Variants in HEMK2 observed in about 807,000 individuals in gnomAD.
The protein encoded by HEMK2 is methyltransferase HEMK2.
the HEMK2 span, among the ~76,000 whole-genome samples, chr21:28,712,800 A>G: frequency 6.6e-6 from 1 of 152,210 alleles, no homozygotes; most frequent in African/African-American, 2.4e-5. Context: ...AGCATATGAA[A>G]TTGGTTTTTT....
At chr21:28,615,488 G>A in the HEMK2 span, among the ~76,000 whole-genome samples, 1 of 151,564 alleles carries the variant, frequency 6.6e-6, no homozygotes, top group Admixed American at 6.6e-5. Flanking sequence ...GAGGAATGTT[G>A]AGTCACAGAG....
the HEMK2 span, among the ~76,000 whole-genome samples, chr21:28,716,627 C>T: frequency 2.0e-5 from 3 of 152,082 alleles, no homozygotes; most frequent in Admixed American, 6.6e-5. Flanking sequence ...CTTTCTCTTG[C>T]CTGATTGCTG....
the HEMK2 span, among the ~76,000 whole-genome samples, chr21:28,733,211 G>A: frequency 1.3e-5 from 2 of 152,116 alleles, no homozygotes; most frequent in Non-Finnish European, 2.9e-5. Flanking sequence ...CCCGGGAGGC[G>A]GAGCTTGCAG....
chr21:28,698,806 TGATTA>T, the HEMK2 span, among the ~76,000 whole-genome samples: 1 of 152,220 alleles, frequency 6.6e-6, no homozygotes, highest in Non-Finnish European at 1.5e-5. Context: ...ACATTTTCAC[TGATTA>T]GATATTTTCC....
chr21:28,669,323 C>A, the HEMK2 span, among the ~76,000 whole-genome samples: 1 of 152,178 alleles, frequency 6.6e-6, no homozygotes, highest in Non-Finnish European at 1.5e-5. Context: ...CACACCACTG[C>A]ACTTCAGCCT....
the HEMK2 span, among the ~76,000 whole-genome samples, chr21:28,806,120 A>G: frequency 6.6e-6 from 1 of 152,272 alleles, no homozygotes; most frequent in African/African-American, 2.4e-5. Context: ...GTATTCATGG[A>G]ATCTGAGTGT....
At chr21:28,878,181 G>A in the HEMK2 span, 12 of 1,526,238 alleles carry the variant, frequency 7.9e-6, no homozygotes, top group Admixed American at 2.3e-5. Context: ...CAATAAATTG[G>A]TCTGTATTAC....
chr21:28,598,379 A>G, the HEMK2 span, among the ~76,000 whole-genome samples: 1 of 152,240 alleles, frequency 6.6e-6, no homozygotes, highest in South Asian at 2.1e-4. Flanking sequence ...GGTCAGTCAG[A>G]CAGTCATTGC....
the HEMK2 span, among the ~76,000 whole-genome samples, chr21:28,751,381 T>C: frequency 2.0e-5 from 3 of 152,222 alleles, no homozygotes; most frequent in African/African-American, 7.2e-5. Context: ...CCCACTATCA[T>C]TCTGAATGTT....
chr21:28,756,785 A>G, the HEMK2 span, among the ~76,000 whole-genome samples: 1 of 152,236 alleles, frequency 6.6e-6, no homozygotes, highest in South Asian at 2.1e-4. Context: ...AAATTAACAT[A>G]AGAAACCAAA....
chr21:28,582,196 C>T, the HEMK2 span, among the ~76,000 whole-genome samples: 1 of 152,192 alleles, frequency 6.6e-6, no homozygotes, highest in Non-Finnish European at 1.5e-5. Context: ...CCACTCAGTT[C>T]ACACAGTTTA....
chr21:28,701,973 C>T, the HEMK2 span, among the ~76,000 whole-genome samples: 4 of 152,008 alleles, frequency 2.6e-5, no homozygotes, highest in Admixed American at 2.0e-4. Context: ...GGTACCACTA[C>T]AAAAACATAT....
At chr21:28,885,020 C>A in the HEMK2 span, among the ~76,000 whole-genome samples, 2 of 152,054 alleles carry the variant, frequency 1.3e-5, no homozygotes, top group Non-Finnish European at 2.9e-5. Flanking sequence ...AAAGGAGATG[C>A]GTCCCCGGCA....
the HEMK2 span, among the ~76,000 whole-genome samples, chr21:28,692,909 T>G: frequency 6.6e-6 from 1 of 152,196 alleles, no homozygotes; most frequent in Non-Finnish European, 1.5e-5. Context: ...GGCCACATTT[T>G]GTATGCTTCC....
At chr21:28,809,514 G>C in the HEMK2 span, among the ~76,000 whole-genome samples, 2 of 152,142 alleles carry the variant, frequency 1.3e-5, no homozygotes, top group East Asian at 3.9e-4. Flanking sequence ...TGTAAGAGCT[G>C]AACAGTTTTC....
the HEMK2 span, among the ~76,000 whole-genome samples, chr21:28,722,365 G>A: frequency 6.6e-6 from 1 of 152,158 alleles, no homozygotes; most frequent in Non-Finnish European, 1.5e-5. Context: ...AAGCCAGCAG[G>A]AACAGGAGTC....
chr21:28,831,765 A>AAGAAAGAAAGAAAG, the HEMK2 span, among the ~76,000 whole-genome samples: 1 of 150,262 alleles, frequency 6.7e-6, no homozygotes, highest in Non-Finnish European at 1.5e-5. Flanking sequence ...GAAAGAAAGA[A>AAGAAAGAAAGAAAG]AGAAAGAAAC....
chr21:28,585,005 T>C, the HEMK2 span, among the ~76,000 whole-genome samples: 8 of 152,250 alleles, frequency 5.3e-5, no homozygotes, highest in Non-Finnish European at 1.0e-4. Context: ...GATAAAAATA[T>C]CTTCTACTCA....
the HEMK2 span, among the ~76,000 whole-genome samples, chr21:28,713,881 C>T: frequency 1.3e-5 from 2 of 152,148 alleles, no homozygotes; most frequent in African/African-American, 2.4e-5. Context: ...TTTATATGGC[C>T]AATATGTACA....
Sources: gnomAD v4.1 joint callset for allele counts (sites outside exome capture counted in the v4.1 genomes callset) on GRCh38, gnomAD v4.1.1 for gene constraint, MANE v1.5 for transcripts, NCBI Gene and HGNC (gene_info 2026-07-23, HGNC 2026-07-21) for gene names.